The following WWOX variants were observed in gnomAD, a reference collection of about 807,000 sequenced individuals.
WWOX encodes the protein WW domain-containing oxidoreductase.
Under a neutral mutation model 46.2 loss-of-function variants are expected in WWOX, and 69 were observed. That is an observed-to-expected ratio of 1.49 (90% CI 1.23 to 1.82). The LOEUF (loss-of-function observed/expected upper bound fraction) is 1.82. Among genes scored for constraint, WWOX ranks in the 40% most tolerant of loss-of-function variants. The pLI is 0.00. For synonymous variants in WWOX, 359 were observed against 202.6 expected (o/e 1.77, Z -6.56); for missense variants, 919 against 542.6 (o/e 1.69, Z -6.89).
chr16:79,094,566 A>G (rs2049031321), intron 8 of WWOX, among the ~76,000 whole-genome samples: 1 of 152,124 alleles, frequency 6.6e-6, no homozygotes, highest in Non-Finnish European at 1.5e-5. Flanking sequence ...CCTCAGTTTT[A>G]AAAAGCAAAT....
At chr16:78,953,269 A>G (rs2046099469) in intron 8 of WWOX, among the ~76,000 whole-genome samples, 1 of 148,218 alleles carries the variant, frequency 6.7e-6, no homozygotes, top group African/African-American at 2.5e-5. Context: ...TAGATTTCTA[A>G]AACAAACCAA....
intron 8 of WWOX, among the ~76,000 whole-genome samples, chr16:78,790,387 A>C (rs1431040069): frequency 6.6e-6 from 1 of 152,098 alleles, no homozygotes; most frequent in South Asian, 2.1e-4. Flanking sequence ...TGCCCGCCCC[A>C]GCCTCCCAAA....
At chr16:78,882,038 A>C (rs1172104087) in intron 8 of WWOX, among the ~76,000 whole-genome samples, 2 of 152,152 alleles carry the variant, frequency 1.3e-5, no homozygotes, top group African/African-American at 4.8e-5. Context: ...AGGCAGGATA[A>C]TTGCTTGAGC....
At chr16:78,884,273 C>CAAAAAA (rs71384384) in intron 8 of WWOX, among the ~76,000 whole-genome samples, 3 of 46,586 alleles carry the variant, frequency 6.4e-5, no homozygotes, top group Non-Finnish European at 1.3e-4. Context: ...ACCCTGTCTC[C>CAAAAAA]AAAAAAAAAA....
At chr16:78,294,112 T>C (rs1033813018) in intron 5 of WWOX, among the ~76,000 whole-genome samples, 1 of 151,790 alleles carries the variant, frequency 6.6e-6, no homozygotes. Context: ...ATTTGTCCTC[T>C]GCTGCTGGTC....
At chr16:78,582,751 C>G (rs1342288749) in intron 8 of WWOX, among the ~76,000 whole-genome samples, 1 of 152,154 alleles carries the variant, frequency 6.6e-6, no homozygotes, top group East Asian at 1.9e-4. Flanking sequence ...TCAATTTGAG[C>G]CAAACTGTGG....
At chr16:78,276,429 T>C (rs1280356563) in intron 5 of WWOX, among the ~76,000 whole-genome samples, 1 of 152,192 alleles carries the variant, frequency 6.6e-6, no homozygotes, top group Non-Finnish European at 1.5e-5. Flanking sequence ...TCAGGCACTG[T>C]GTGTCCACAG....
At chr16:78,753,146 C>A (rs1452971855) in intron 8 of WWOX, among the ~76,000 whole-genome samples, 1 of 151,882 alleles carries the variant, frequency 6.6e-6, no homozygotes, top group Non-Finnish European at 1.5e-5. Flanking sequence ...AATACAAAAA[C>A]AAAATTAGCC....
At chr16:78,464,935 G>A (rs539893622) in intron 8 of WWOX, among the ~76,000 whole-genome samples, 19 of 152,298 alleles carry the variant, frequency 1.2e-4, no homozygotes, top group Middle Eastern at 3.4e-3. Context: ...GAACTCAGTC[G>A]TTTCACCTGG....
At position 78,784,893 on chromosome 16, in the gene WWOX, A is replaced by G. The variant is rs904499358; in HGVS notation, c.1056+352141A>G. ...GGTGTCCAGCGAATGCCTCTTGACA[A>G]TCTGTGGTCATACTCACAACCTATG... is the stretch of plus-strand genomic sequence containing the variant. On this transcript the variant is annotated intron_variant, in intron 8 of 8. Transcript: ENST00000566780. 3.9e-5 allele frequency among the ~76,000 whole-genome samples: 6 copies of G among 152,114 alleles called. 1 individual carries two copies. Among genetic ancestry groups the G allele is most frequent in the African/African-American group, 1.4e-4 (6 of 41,428 alleles).
intron 5 of WWOX, among the ~76,000 whole-genome samples, chr16:78,279,282 A>T (rs2079635299): frequency 6.6e-6 from 1 of 152,024 alleles, no homozygotes; most frequent in African/African-American, 2.4e-5. Context: ...GTGTAGGGGG[A>T]CACCTCCCTC....
chr16:78,706,981 G>A (rs948321248), intron 8 of WWOX, among the ~76,000 whole-genome samples: 2 of 152,254 alleles, frequency 1.3e-5, no homozygotes, highest in African/African-American at 4.8e-5. Flanking sequence ...CTTTGGAAGT[G>A]AATCAGTCAG....
intron 5 of WWOX, among the ~76,000 whole-genome samples, chr16:78,261,381 G>A (rs140689257): frequency 1.3e-5 from 2 of 148,702 alleles, no homozygotes; most frequent in East Asian, 3.9e-4. Context: ...TTCTAGCCTA[G>A]GCGACAGAGC....
intron 8 of WWOX, among the ~76,000 whole-genome samples, chr16:79,069,083 A>C: frequency 6.6e-6 from 1 of 152,164 alleles, no homozygotes; most frequent in East Asian, 1.9e-4. Flanking sequence ...CAGATGAACT[A>C]CCTGGAAAGA....
chr16:78,444,638 C>G (rs1291220893), intron 8 of WWOX, among the ~76,000 whole-genome samples: 1 of 150,836 alleles, frequency 6.6e-6, no homozygotes, highest in Admixed American at 6.6e-5. Flanking sequence ...TCAAGCAATT[C>G]TCCTGCCTCA....
intron 4 of WWOX, among the ~76,000 whole-genome samples, chr16:78,159,992 T>C (rs1010323117): frequency 1.3e-5 from 2 of 152,200 alleles, no homozygotes; most frequent in Admixed American, 1.3e-4. Flanking sequence ...TTATCAATTT[T>C]ATTAGTTTTT....
chr16:78,961,991 T>G (rs1311996118), intron 8 of WWOX, among the ~76,000 whole-genome samples: 1 of 152,118 alleles, frequency 6.6e-6, no homozygotes, highest in Non-Finnish European at 1.5e-5. Context: ...AACAGATCCC[T>G]TGTCTCTTGT....
At chr16:78,818,223 C>T (rs2051393318) in intron 8 of WWOX, among the ~76,000 whole-genome samples, 1 of 152,192 alleles carries the variant, frequency 6.6e-6, no homozygotes. Flanking sequence ...TGGCTGAAGG[C>T]TACAGGTTAC....
chr16:78,654,705 C>G (rs868719091), intron 8 of WWOX, among the ~76,000 whole-genome samples: 5 of 151,772 alleles, frequency 3.3e-5, no homozygotes, highest in Admixed American at 6.6e-5. Flanking sequence ...AGTATGAAAC[C>G]TAAAAATAAG....
Sources: gnomAD v4.1 joint callset for allele counts (sites outside exome capture counted in the v4.1 genomes callset) on GRCh38, gnomAD v4.1.1 for gene constraint, MANE v1.5 for transcripts, NCBI Gene and HGNC (gene_info 2026-07-23, HGNC 2026-07-21) for gene names.